Variants in KCNJ6 observed in about 807,000 individuals in gnomAD.
The protein encoded by KCNJ6 is G protein-activated inward rectifier potassium channel 2.
KCNJ6 carries 9 observed loss-of-function variants against 34.2 expected under a neutral mutation model. The ratio of observed to expected loss-of-function variants is 0.26; its 90% CI spans 0.16 to 0.46. The LOEUF (loss-of-function observed/expected upper bound fraction) is 0.46. Ranked by LOEUF, KCNJ6 falls within the 20% of genes least tolerant of loss-of-function variation. The probability of loss-of-function intolerance (pLI) is 1.00; values close to 1 mark genes in which losing one functional copy is unlikely to be tolerated. For missense variants in KCNJ6, 236 were observed against 531.3 expected (o/e 0.44, Z 5.46); for synonymous variants, 196 against 207.1 (o/e 0.95, Z 0.46).
rs922140408 is a variant in KCNJ6 at position 37,621,296 on chromosome 21, C to A, written c.*3863G>T. 6.6e-6 allele frequency: 1 copy of A among 152,186 alleles called. No homozygotes were observed. The highest frequency in any genetic ancestry group is 2.4e-5 in the African/African-American group (1 of 41,460). 9.4% of individuals were successfully genotyped at this position (152,186 alleles called of 1,614,324 possible). A position where few individuals can be genotyped will look rare whatever the true frequency, so the allele number is the denominator to read the frequency against. ...GAGTATTTTAATTGTATTCTCTCAG[C>A]AAATCAAATGATTTCCCATTCTTCT... is the stretch of plus-strand genomic sequence containing the variant. On this transcript the variant is annotated 3_prime_UTR_variant, in exon 4 of 4. Transcript: ENST00000609713.
At chr21:37,663,342 T>C (rs1185529845) in intron 3 of KCNJ6, among the ~76,000 whole-genome samples, 2 of 152,168 alleles carry the variant, frequency 1.3e-5, no homozygotes, top group East Asian at 1.9e-4. Context: ...ATTAAAAATA[T>C]GTGAGAGGCC....
intron 2 of KCNJ6, among the ~76,000 whole-genome samples, chr21:37,732,089 C>T (rs1407738642): frequency 2.0e-5 from 3 of 152,050 alleles, no homozygotes; most frequent in Non-Finnish European, 2.9e-5. Context: ...GTTTTCCAAA[C>T]GAGGGAGGGG....
At chr21:37,636,068 G>A (rs1297398535) in intron 3 of KCNJ6, among the ~76,000 whole-genome samples, 5 of 152,194 alleles carry the variant, frequency 3.3e-5, no homozygotes, top group South Asian at 2.1e-4. Context: ...GTCTGAGAAC[G>A]TGGAGTACTG....
intron 3 of KCNJ6, among the ~76,000 whole-genome samples, chr21:37,648,196 G>T (rs2054414508): frequency 6.6e-6 from 1 of 152,184 alleles, no homozygotes. Context: ...GGAATCTACA[G>T]GGGAGGAGGC....
intron 1 of KCNJ6, among the ~76,000 whole-genome samples, chr21:37,878,927 T>C (rs2123620840): frequency 6.6e-6 from 1 of 152,244 alleles, no homozygotes; most frequent in Middle Eastern, 3.4e-3. Context: ...TCACAATTAT[T>C]TGTGCGTATG....
chr21:37,700,755 T>C (rs973666976), intron 3 of KCNJ6, among the ~76,000 whole-genome samples: 2 of 152,094 alleles, frequency 1.3e-5, no homozygotes, highest in Non-Finnish European at 1.5e-5. Flanking sequence ...TTGTGCAGGA[T>C]GTACACTGCA....
At chr21:37,850,315 C>T (rs942816599) in intron 1 of KCNJ6, among the ~76,000 whole-genome samples, 1 of 152,020 alleles carries the variant, frequency 6.6e-6, no homozygotes, top group African/African-American at 2.4e-5. Context: ...CCCCAAACCC[C>T]AGGCCGTGGA....
chr21:37,642,047 T>G (rs1185131640), intron 3 of KCNJ6, among the ~76,000 whole-genome samples: 1 of 152,194 alleles, frequency 6.6e-6, no homozygotes, highest in Non-Finnish European at 1.5e-5. Context: ...TGCAGGAAGA[T>G]GATACGTTTG....
intron 2 of KCNJ6, among the ~76,000 whole-genome samples, chr21:37,721,983 A>C (rs1224341671): frequency 6.6e-6 from 1 of 152,206 alleles, no homozygotes; most frequent in Non-Finnish European, 1.5e-5. Context: ...AGTACATCCA[A>C]ATAGGAAGAG....
chr21:37,651,672 C>T (rs1031004763), intron 3 of KCNJ6, among the ~76,000 whole-genome samples: 2 of 152,298 alleles, frequency 1.3e-5, no homozygotes, highest in Admixed American at 1.3e-4. Flanking sequence ...GGACTGAGCA[C>T]CTGGGTGGAC....
At chr21:37,824,571 A>T (rs987904542) in intron 2 of KCNJ6, among the ~76,000 whole-genome samples, 1 of 152,026 alleles carries the variant, frequency 6.6e-6, no homozygotes, top group African/African-American at 2.4e-5. Context: ...ATGTGGAGGG[A>T]GGGACCTGGT....
At chr21:37,658,741 G>A (rs1473957843) in intron 3 of KCNJ6, among the ~76,000 whole-genome samples, 1 of 152,208 alleles carries the variant, frequency 6.6e-6, no homozygotes, top group African/African-American at 2.4e-5. Flanking sequence ...TTCAGAGGGC[G>A]TTCCTCACTC....
At position 37,617,156 on chromosome 21, in the gene KCNJ6, T is replaced by TTCC. The variant is rs2054274588; in HGVS notation, c.*8002_*8003insGGA. 1 of 113,944 alleles carries TTCC rather than the reference T, an allele frequency of 8.8e-6. No homozygotes were observed. The highest frequency in any genetic ancestry group is 9.4e-5 in the Admixed American group (1 of 10,686). The allele number at this position is 113,944 out of a possible 1,614,324, so 7.1% of individuals were successfully genotyped here. A position where few individuals can be genotyped will look rare whatever the true frequency, so the allele number is the denominator to read the frequency against. On this transcript the variant is annotated 3_prime_UTR_variant, in exon 4 of 4. Transcript: ENST00000609713. ...CTTTCTTTCCTTCCTTCCTTCCTTCTTTCTTTATCTTTTTTCCTTCCTTCC... is the reference window on the plus strand; with the variant it reads ...CTTTCTTTCCTTCCTTCCTTCCTTCTTCCTTCTTTATCTTTTTTCCTTCCTTCC...
chr21:37,705,774 A>G (rs563508760), intron 3 of KCNJ6, among the ~76,000 whole-genome samples: 2 of 152,318 alleles, frequency 1.3e-5, no homozygotes, highest in East Asian at 1.9e-4. Context: ...AAGCTAGAGG[A>G]GAAGTTCTGC....
intron 2 of KCNJ6, among the ~76,000 whole-genome samples, chr21:37,741,644 T>C (rs1356596720): frequency 6.6e-6 from 1 of 152,210 alleles, no homozygotes; most frequent in Non-Finnish European, 1.5e-5. Context: ...CATCACCTGA[T>C]GATTGTTCCT....
chr21:37,644,526 A>G (rs146244123), intron 3 of KCNJ6, among the ~76,000 whole-genome samples: 13 of 152,260 alleles, frequency 8.5e-5, no homozygotes, highest in African/African-American at 3.1e-4. Flanking sequence ...TAACTGGGTA[A>G]TTTACTTGTT....
chr21:37,746,406 G>A (rs1313270884), intron 2 of KCNJ6, among the ~76,000 whole-genome samples: 2 of 152,194 alleles, frequency 1.3e-5, no homozygotes, highest in Middle Eastern at 3.2e-3. Context: ...CTGGTGATCT[G>A]GGGTTGCTTT....
intron 2 of KCNJ6, among the ~76,000 whole-genome samples, chr21:37,782,762 G>A (rs1601468990): frequency 6.6e-6 from 1 of 152,180 alleles, no homozygotes; most frequent in African/African-American, 2.4e-5. Context: ...CTCTGCCCTT[G>A]TCCACCTAAG....
At chr21:37,633,169 G>A (rs542708762) in intron 3 of KCNJ6, among the ~76,000 whole-genome samples, 12 of 152,110 alleles carry the variant, frequency 7.9e-5, no homozygotes, top group Non-Finnish European at 1.0e-4. Context: ...TCCAAGGAAT[G>A]CAAGGGTGGT....
Sources: allele counts gnomAD v4.1 joint callset (sites outside exome capture counted in the v4.1 genomes callset), GRCh38; gene constraint gnomAD v4.1.1; transcripts MANE v1.5; gene names NCBI Gene and HGNC (gene_info 2026-07-23, HGNC 2026-07-21).